Variants in PTPRB observed in about 807,000 individuals in gnomAD.
PTPRB encodes receptor-type tyrosine-protein phosphatase beta.
A neutral mutation model predicts 238.1 loss-of-function variants in PTPRB; 97 were observed. The ratio of observed to expected loss-of-function variants is 0.41; its 90% CI spans 0.35 to 0.48. The LOEUF (loss-of-function observed/expected upper bound fraction) is 0.48. Ranked by LOEUF, PTPRB falls within the 20% of genes least tolerant of loss-of-function variation. PTPRB has a pLI of 0.30. For synonymous variants in PTPRB, 970 were observed against 995.4 expected (o/e 0.97, Z 0.48); for missense variants, 2,292 against 2,681.9 (o/e 0.85, Z 3.21).
chr12:70,614,500 G>T (rs1232715466), intron 3 of PTPRB, among the ~76,000 whole-genome samples: 1 of 152,086 alleles, frequency 6.6e-6, no homozygotes, highest in Admixed American at 6.6e-5. Context: ...AATTAAGTGA[G>T]ATCGCACCAC....
intron 28 of PTPRB, among the ~76,000 whole-genome samples, chr12:70,537,155 C>T (rs1336399231): frequency 1.5e-4 from 23 of 152,006 alleles, no homozygotes; most frequent in South Asian, 1.0e-3. Context: ...GGCGTGGTGG[C>T]AGGTGCCTGT....
Position 70,531,972 on chromosome 12 carries a change from A to G in PTPRB, c.6504+63T>C, listed in dbSNP as rs531865429. ...CCCTTGTCAGATTAAGGTCCTGGAT[A>G]TTTTTTTGTGGGAATACAGTGGGGA... On this transcript the variant is annotated intron_variant, in intron 32 of 33. Transcript: ENST00000334414. 204 of 1,595,404 alleles carry G rather than the reference A, an allele frequency of 1.3e-4. 2 individuals carry two copies. In the East Asian group the frequency reaches 2.0e-3, roughly 15 times the overall value.
chr12:70,567,518 G>A (rs1262247533), intron 14 of PTPRB, among the ~76,000 whole-genome samples: 13 of 152,156 alleles, frequency 8.5e-5, no homozygotes, highest in Non-Finnish European at 1.9e-4. Context: ...TCAAATACGA[G>A]TTTTATTTCT....
chr12:70,527,835 C>A (rs1182707660), intron 32 of PTPRB: 1 of 152,200 alleles, frequency 6.6e-6, no homozygotes, highest in African/African-American at 2.4e-5. Context: ...CACAGGGGCT[C>A]AGCCACAGAT....
intron 20 of PTPRB, among the ~76,000 whole-genome samples, chr12:70,553,895 C>T (rs1877266686): frequency 6.6e-6 from 1 of 152,092 alleles, no homozygotes; most frequent in African/African-American, 2.4e-5. Context: ...TCTTAGCTAA[C>T]CTGGAAATCA....
At chr12:70,563,659 A>G (rs909113695) in intron 15 of PTPRB, among the ~76,000 whole-genome samples, 2 of 152,132 alleles carry the variant, frequency 1.3e-5, no homozygotes, top group African/African-American at 4.8e-5. Context: ...CTGAGCTCAA[A>G]TCCATATTTC....
intron 2 of PTPRB, among the ~76,000 whole-genome samples, chr12:70,630,976 T>C (rs574304163): frequency 1.3e-5 from 2 of 152,188 alleles, no homozygotes; most frequent in Non-Finnish European, 2.9e-5. Context: ...ATAGGAAGAA[T>C]CAATATCGTG....
chr12:70,546,619 T>C (rs1876007918), intron 21 of PTPRB, among the ~76,000 whole-genome samples: 1 of 152,178 alleles, frequency 6.6e-6, no homozygotes, highest in South Asian at 2.1e-4. Flanking sequence ...AACAACATGA[T>C]TATTTTTCTT....
chr12:70,592,615 C>A, intron 6 of PTPRB, 70 bp from the exon 7 acceptor site: 1 of 1,501,558 alleles, frequency 6.7e-7, no homozygotes, highest in Non-Finnish European at 9.0e-7. Flanking sequence ...CAAATTTTGA[C>A]CTGTAATTTT....
intron 4 of PTPRB, among the ~76,000 whole-genome samples, chr12:70,607,889 T>C (rs1884094456): frequency 1.3e-5 from 2 of 152,152 alleles, no homozygotes; most frequent in African/African-American, 4.8e-5. Context: ...ATTTCTCTTT[T>C]CAACTTAAGA....
chr12:70,569,474 G>C (rs1364552561), intron 14 of PTPRB, among the ~76,000 whole-genome samples: 2 of 152,132 alleles, frequency 1.3e-5, no homozygotes, highest in African/African-American at 2.4e-5. Context: ...TTTGGTTTCT[G>C]ATTCCCTTTC....
chr12:70,619,157 A>AGTGTGTGTGTGTGTGT (rs3049143), intron 3 of PTPRB, among the ~76,000 whole-genome samples: 10 of 142,200 alleles, frequency 7.0e-5, no homozygotes, highest in African/African-American at 2.6e-4. Context: ...TGTTTAGGGG[A>AGTGTGTGTGTGTGTGT]GTGTGTGTGT....
At chr12:70,554,560 C>G (rs1388145093) in intron 20 of PTPRB, among the ~76,000 whole-genome samples, 2 of 152,174 alleles carry the variant, frequency 1.3e-5, no homozygotes, top group Admixed American at 6.5e-5. Flanking sequence ...TTGTTCTTAT[C>G]TGTAGGAATT....
intron 10 of PTPRB, 80 bp from the exon 11 acceptor site, chr12:70,576,725 GTC>G: frequency 1.4e-6 from 1 of 739,932 alleles, no homozygotes; most frequent in Admixed American, 2.4e-5. Flanking sequence ...AGTTTGAGTC[GTC>G]TATTGCAGTC....
chr12:70,552,497 A>AT (rs57391084), intron 21 of PTPRB, among the ~76,000 whole-genome samples: 7,347 of 149,118 alleles, frequency 0.049, 311 homozygotes, highest in South Asian at 0.15. Context: ...AAAAAAAAAA[A>AT]AAATAATGAA....
At chr12:70,556,363 G>C (rs1877681243) in intron 18 of PTPRB, among the ~76,000 whole-genome samples, 1 of 152,152 alleles carries the variant, frequency 6.6e-6, no homozygotes, top group African/African-American at 2.4e-5. Flanking sequence ...GTGTGGACAA[G>C]TCTGAGTAAC....
chr12:70,566,927 T>A lies in PTPRB; in HGVS notation c.3635-223A>T, dbSNP rs11178293. On this transcript the variant is annotated intron_variant, in intron 14 of 33. Transcript: ENST00000334414. ...CTTTGATTCTCCATTTTTTCTCTGA[T>A]TTTAAATAGGATCTCAGATAGAAAA... 0.22 allele frequency among the ~76,000 whole-genome samples: 33,697 copies of A among 152,130 alleles called. 4,237 individuals are homozygous for A. Among genetic ancestry groups the A allele is most frequent in the African/African-American group, 0.34 (14,219 of 41,474 alleles).
intron 18 of PTPRB, 103 bp downstream of exon 18, chr12:70,559,240 C>T: frequency 8.0e-7 from 1 of 1,251,492 alleles, no homozygotes; most frequent in Non-Finnish European, 1.1e-6. Flanking sequence ...AGACCAATCC[C>T]ATGTAAAAAT....
chr12:70,581,256 G>A lies in PTPRB; in HGVS notation c.2358C>T (p.Thr786=). Residue 786 remains threonine (T), a synonymous_variant, in exon 10 of 34, where the codon ACC becomes ACT. Transcript: ENST00000334414. ...TDLHVANQGM[T]SSLFTNWTQA... ...GGGTCCAGTTAGTAAACAGACTACT[G>A]GTCATTCCTTGGTTGGCCACATGCA... 2 of 1,613,876 alleles carry A rather than the reference G, an allele frequency of 1.2e-6. No individual in the cohort carries two copies. The highest frequency in any genetic ancestry group is 1.7e-6 in the Non-Finnish European group (2 of 1,179,832).
Sources: allele counts gnomAD v4.1 joint callset (sites outside exome capture counted in the v4.1 genomes callset), GRCh38; gene constraint gnomAD v4.1.1; transcripts MANE v1.5; gene names NCBI Gene and HGNC (gene_info 2026-07-23, HGNC 2026-07-21).